RAD51B: variants seen among roughly 807,000 people sequenced by gnomAD.
The protein encoded by RAD51B is RAD51 paralog B.
Under a neutral mutation model 42.2 loss-of-function variants are expected in RAD51B, and 38 were observed. That is an observed-to-expected ratio of 0.90 (90% CI 0.70 to 1.18). The LOEUF is 1.18. RAD51B is among the 50% of genes most tolerant of loss of function. The pLI, the probability that RAD51B is intolerant of heterozygous loss-of-function variation, is 0.00. For missense variants in RAD51B, 373 were observed against 400.7 expected, an observed-to-expected ratio of 0.93 and a Z score of 0.59; for synonymous variants, 154 against 145.2, an observed-to-expected ratio of 1.06 and a Z score of -0.43.
At chr14:68,662,557 C>T (rs879605939) in intron 11 of RAD51B, among the ~76,000 whole-genome samples, 2 of 152,202 alleles carry the variant, frequency 1.3e-5, no homozygotes, top group Non-Finnish European at 2.9e-5. Context: ...CCACTCAGCA[C>T]ATCCCCAGCT....
At chr14:68,328,558 G>A (rs1378784350) in intron 8 of RAD51B, among the ~76,000 whole-genome samples, 2 of 152,180 alleles carry the variant, frequency 1.3e-5, no homozygotes, top group African/African-American at 4.8e-5. Context: ...GTTCTCCCCT[G>A]TCCAGCTCCC....
intron 7 of RAD51B, among the ~76,000 whole-genome samples, chr14:67,982,659 A>G (rs2075116866): frequency 6.6e-6 from 1 of 152,108 alleles, no homozygotes; most frequent in South Asian, 2.1e-4. Flanking sequence ...ATCATAGGCC[A>G]TCTCAATCTT....
intron 7 of RAD51B, among the ~76,000 whole-genome samples, chr14:67,937,923 G>A (rs928940039): frequency 6.6e-6 from 1 of 151,980 alleles, no homozygotes; most frequent in Admixed American, 6.6e-5. Context: ...TGCATTAGGG[G>A]TTTGAAATAG....
chr14:68,350,599 A>G (rs1465474247), intron 8 of RAD51B, among the ~76,000 whole-genome samples: 2 of 152,248 alleles, frequency 1.3e-5, no homozygotes, highest in African/African-American at 4.8e-5. Flanking sequence ...GTCTGCATTT[A>G]GAAATTTTAT....
intron 8 of RAD51B, among the ~76,000 whole-genome samples, chr14:68,378,306 C>T (rs2139976776): frequency 6.6e-6 from 1 of 152,310 alleles, no homozygotes; most frequent in South Asian, 2.1e-4. Flanking sequence ...TTATAAAAAG[C>T]ATGTTTCTCC....
chr14:68,123,914 T>C (rs1047381711), intron 7 of RAD51B, among the ~76,000 whole-genome samples: 1 of 152,200 alleles, frequency 6.6e-6, no homozygotes, highest in African/African-American at 2.4e-5. Context: ...ATTTCATTTA[T>C]CCATCTTGGA....
At chr14:68,427,373 C>T (rs1350368394) in intron 9 of RAD51B, among the ~76,000 whole-genome samples, 1 of 152,194 alleles carries the variant, frequency 6.6e-6, no homozygotes, top group African/African-American at 2.4e-5. Context: ...GTAAGAGCTG[C>T]TGTGAGGGTG....
At chr14:68,330,452 G>T (rs2145422) in intron 8 of RAD51B, among the ~76,000 whole-genome samples, 1 of 151,886 alleles carries the variant, frequency 6.6e-6, no homozygotes, top group South Asian at 2.1e-4. Context: ...TCTTGTACTG[G>T]GTGTGACATT....
At chr14:68,301,573 G>GT (rs1178726085) in intron 8 of RAD51B, among the ~76,000 whole-genome samples, 80 of 137,818 alleles carry the variant, frequency 5.8e-4, no homozygotes, top group African/African-American at 1.2e-3. Flanking sequence ...AGAATGTGAG[G>GT]TTTTTTTTTT....
chr14:68,587,261 A>AAGC (rs919253014), intron 10 of RAD51B, among the ~76,000 whole-genome samples: 3 of 152,092 alleles, frequency 2.0e-5, no homozygotes, highest in Non-Finnish European at 4.4e-5. Context: ...TTGTGCTGGA[A>AAGC]AGCAAACCTG....
At chr14:67,995,563 T>TC (rs199617975) in intron 7 of RAD51B, among the ~76,000 whole-genome samples, 1,542 of 151,922 alleles carry the variant, frequency 0.01, 25 homozygotes, top group African/African-American at 0.035. Context: ...ACTGCTTTTT[T>TC]CCCCCCTCTG....
At chr14:68,279,303 G>A (rs1179992064) in intron 7 of RAD51B, among the ~76,000 whole-genome samples, 5 of 152,260 alleles carry the variant, frequency 3.3e-5, no homozygotes, top group Non-Finnish European at 7.3e-5. Flanking sequence ...TCTCGGCAGT[G>A]ATGCCTTTCC....
chr14:68,643,925 G>A (rs1014670455), intron 10 of RAD51B, among the ~76,000 whole-genome samples: 1 of 152,188 alleles, frequency 6.6e-6, no homozygotes, highest in Non-Finnish European at 1.5e-5. Context: ...GAACTAGTAA[G>A]CTATCATCTC....
At chr14:67,861,962 G>A (rs2042178051) in intron 4 of RAD51B, among the ~76,000 whole-genome samples, 1 of 150,802 alleles carries the variant, frequency 6.6e-6, no homozygotes, top group South Asian at 2.1e-4. Flanking sequence ...GTTACAAATA[G>A]AGTTTCAGTC....
intron 7 of RAD51B, among the ~76,000 whole-genome samples, chr14:68,010,753 G>A (rs1055367139): frequency 1.6e-4 from 24 of 151,870 alleles, no homozygotes; most frequent in African/African-American, 4.3e-4. Context: ...GAGAAAGGTA[G>A]AATTTAGTAG....
intron 4 of RAD51B, among the ~76,000 whole-genome samples, chr14:67,835,691 A>T (rs1026047283): frequency 6.6e-6 from 1 of 151,570 alleles, no homozygotes; most frequent in Non-Finnish European, 1.5e-5. Flanking sequence ...CTTTACCAAA[A>T]AAAAAATAAA....
chr14:68,571,112 A>G (rs1889680723), intron 10 of RAD51B, among the ~76,000 whole-genome samples: 1 of 152,198 alleles, frequency 6.6e-6, no homozygotes, highest in Admixed American at 6.5e-5. Flanking sequence ...ACTGTCAAGC[A>G]ATGGCAAGTT....
At chr14:68,045,236 C>CAAAAAAAAAAAAA (rs537073885) in intron 7 of RAD51B, among the ~76,000 whole-genome samples, 20 of 22,092 alleles carry the variant, frequency 9.1e-4, no homozygotes, top group African/African-American at 1.3e-3. Context: ...AACTCTGTCT[C>CAAAAAAAAAAAAA]AAAAAAAAAA....
At chr14:68,106,745 C>T (rs1469756816) in intron 7 of RAD51B, among the ~76,000 whole-genome samples, 1 of 151,826 alleles carries the variant, frequency 6.6e-6, no homozygotes, top group Admixed American at 6.6e-5. Context: ...CCATTGCTGT[C>T]ACTTATTGAG....
Sources: gnomAD v4.1 joint callset for allele counts (sites outside exome capture counted in the v4.1 genomes callset) on GRCh38, gnomAD v4.1.1 for gene constraint, MANE v1.5 for transcripts, NCBI Gene and HGNC (gene_info 2026-07-23, HGNC 2026-07-21) for gene names.